The following CXCL13 variants were observed in gnomAD, a reference collection of about 807,000 sequenced individuals.
The protein encoded by CXCL13 is C-X-C motif chemokine ligand 13.
In CXCL13, 7 loss-of-function variants were observed where a neutral mutation model predicts 12.2. That is an observed-to-expected ratio of 0.57 (90% confidence interval 0.33 to 1.07). The LOEUF (loss-of-function observed/expected upper bound fraction) is 1.07, where lower values mean the gene tolerates loss of function less well. CXCL13 is among the 50% of genes least tolerant of loss of function. The probability of loss-of-function intolerance (pLI) is 0.04; values close to 1 mark genes in which losing one functional copy is unlikely to be tolerated. For missense variants in CXCL13, 113 were observed against 127.4 expected (o/e 0.89, Z 0.55); for synonymous variants, 47 against 42.4 (o/e 1.11, Z -0.42).
rs1026487877 is a variant in CXCL13 at position 77,571,991 on chromosome 4, C to T, written c.-42-33833C>T. 6.6e-5 allele frequency among the ~76,000 whole-genome samples: 10 copies of T among 151,928 alleles called. No individual in the cohort carries two copies. In the East Asian group the frequency reaches 1.9e-3, roughly 29 times the overall value. ...CAGCTTCACTCCTGAGCCAGCAAGA[C>T]CACGAACCCACCAGAAGAAAGAAAC... On this transcript the variant is annotated intron_variant, in intron 1 of 4. Transcript: ENST00000286758.
chr4:77,570,619 G>A (rs1476390557), intron 1 of CXCL13, among the ~76,000 whole-genome samples: 1 of 152,220 alleles, frequency 6.6e-6, no homozygotes, highest in African/African-American at 2.4e-5. Flanking sequence ...TTTCTGGGCT[G>A]GCCAAGGCCA....
At chr4:77,547,367 G>A (rs1004634837) in intron 1 of CXCL13, among the ~76,000 whole-genome samples, 1 of 152,176 alleles carries the variant, frequency 6.6e-6, no homozygotes, top group Non-Finnish European at 1.5e-5. Flanking sequence ...GGGAGTCTAA[G>A]TCTCTTTCTA....
chr4:77,526,694 C>G (rs956629803), intron 1 of CXCL13, among the ~76,000 whole-genome samples: 3 of 152,088 alleles, frequency 2.0e-5, no homozygotes, highest in South Asian at 4.1e-4. Context: ...TAAGCAAAGA[C>G]AGTGACAAGC....
At chr4:77,558,144 T>C (rs1369916200) in intron 1 of CXCL13, among the ~76,000 whole-genome samples, 1 of 152,236 alleles carries the variant, frequency 6.6e-6, no homozygotes, top group Non-Finnish European at 1.5e-5. Flanking sequence ...TTCTTGTTTA[T>C]AAAAAATGGC....
chr4:77,601,532 G>A (rs7678830), upstream of CXCL13, among the ~76,000 whole-genome samples: 2,863 of 152,318 alleles, frequency 0.019, 106 homozygotes, highest in African/African-American at 0.065. Context: ...GATGATCAGC[G>A]TCAAAGAAGA....
At chr4:77,528,443 T>A (rs1386462446) in intron 1 of CXCL13, among the ~76,000 whole-genome samples, 1 of 152,182 alleles carries the variant, frequency 6.6e-6, no homozygotes, top group Non-Finnish European at 1.5e-5. Flanking sequence ...GCACCTGTTG[T>A]TTCCTGACTT....
intron 1 of CXCL13, among the ~76,000 whole-genome samples, chr4:77,540,736 C>T (rs1000981989): frequency 6.6e-6 from 1 of 152,102 alleles, no homozygotes; most frequent in East Asian, 1.9e-4. Context: ...CATGCAAGTG[C>T]GTGTGGTTTT....
At chr4:77,539,177 C>T (rs541622352) in intron 1 of CXCL13, among the ~76,000 whole-genome samples, 61 of 151,998 alleles carry the variant, frequency 4.0e-4, no homozygotes, top group Admixed American at 3.6e-3. Context: ...ATTTCTCCTG[C>T]CTTAGTCTAC....
chr4:77,565,719 C>T (rs931939787), intron 1 of CXCL13, among the ~76,000 whole-genome samples: 2 of 152,060 alleles, frequency 1.3e-5, no homozygotes, highest in Non-Finnish European at 2.9e-5. Context: ...AGTAAAAGGA[C>T]CTAAATAATT....
intron 1 of CXCL13, among the ~76,000 whole-genome samples, chr4:77,543,977 T>C (rs931055330): frequency 6.6e-6 from 1 of 152,170 alleles, no homozygotes; most frequent in African/African-American, 2.4e-5. Context: ...AATTCCCACC[T>C]ATGAGTGAGA....
At chr4:77,587,146 C>G (rs571613031) in intron 1 of CXCL13, among the ~76,000 whole-genome samples, 30 of 152,314 alleles carry the variant, frequency 2.0e-4, no homozygotes, top group African/African-American at 6.7e-4. Flanking sequence ...AGTTAGTCAA[C>G]AGTGCTCTGA....
chr4:77,610,507 C>T (rs1727119956), intron 2 of CXCL13, 107 bp from the exon 3 acceptor site: 3 of 885,416 alleles, frequency 3.4e-6, no homozygotes, highest in Non-Finnish European at 5.3e-6. Context: ...GCTCCAATTT[C>T]ACTTCATCTA....
chr4:77,606,167 T>C (rs1727000053), intron 1 of CXCL13, among the ~76,000 whole-genome samples: 1 of 152,240 alleles, frequency 6.6e-6, no homozygotes, highest in South Asian at 2.1e-4. Context: ...CCAATATTCA[T>C]GTGAATTATA....
In CXCL13 at chr4:77,557,819, G is replaced by A. The variant is rs926423110; in HGVS notation, c.-43+46031G>A. Reference sequence around the variant, plus strand: ...AAATTCTTATTGCTTCAGTAACACAGATGGCTAGTGGGCTTTCCAGCCTTA... The same window carrying A: ...AAATTCTTATTGCTTCAGTAACACAAATGGCTAGTGGGCTTTCCAGCCTTA... On this transcript the variant is annotated intron_variant, in intron 1 of 4. Coordinates refer to the CXCL13 transcript ENST00000286758. Among the ~76,000 whole-genome samples, 3 of 152,198 alleles carry A rather than the reference G, an allele frequency of 2.0e-5. No individual in the cohort carries two copies. In the South Asian group the frequency reaches 6.2e-4, roughly 32 times the overall value.
intron 1 of CXCL13, among the ~76,000 whole-genome samples, chr4:77,573,682 A>G (rs1356208430): frequency 1.3e-5 from 2 of 151,928 alleles, no homozygotes; most frequent in African/African-American, 2.4e-5. Flanking sequence ...CGGATTTAGG[A>G]AAAACAACAT....
chr4:77,609,342 T>C (rs1727091887), intron 2 of CXCL13, among the ~76,000 whole-genome samples: 1 of 152,062 alleles, frequency 6.6e-6, no homozygotes, highest in Admixed American at 6.6e-5. Context: ...AGACAGGATC[T>C]CACTCTGCTG....
chr4:77,607,844 CA>C lies in CXCL13; in HGVS notation c.197+11del, dbSNP rs1727029695. 6.2e-7 allele frequency: 1 copy of C among 1,613,036 alleles called. No individual in the cohort carries two copies. Among genetic ancestry groups the C allele is most frequent in the Non-Finnish European group, 8.5e-7 (1 of 1,179,358 alleles). On this transcript the variant is annotated intron_variant, in intron 2 of 3. Coordinates refer to ENST00000682537, the MANE Select transcript of CXCL13 (RefSeq NM_001371558.1). Reference sequence around the variant, plus strand: ...CCAAGAAAAGAAATCATGTAAGTTTCAAGAGAAAAATAAATAAGATTTCCTT... The same window carrying C: ...CCAAGAAAAGAAATCATGTAAGTTTCAGAGAAAAATAAATAAGATTTCCTT...
At chr4:77,535,630 A>G (rs1293951801) in intron 1 of CXCL13, among the ~76,000 whole-genome samples, 2 of 148,676 alleles carry the variant, frequency 1.3e-5, no homozygotes, top group Admixed American at 1.3e-4. Context: ...GGTGATACTC[A>G]CTATTGGAAC....
intron 1 of CXCL13, among the ~76,000 whole-genome samples, chr4:77,530,865 T>G (rs962550434): frequency 1.3e-5 from 2 of 152,018 alleles, no homozygotes; most frequent in African/African-American, 4.8e-5. Context: ...AATTGTGATG[T>G]TAGGGTGTCA....
Sources: allele counts gnomAD v4.1 joint callset (sites outside exome capture counted in the v4.1 genomes callset), GRCh38; gene constraint gnomAD v4.1.1; transcripts MANE v1.5; gene names NCBI Gene and HGNC (gene_info 2026-07-23, HGNC 2026-07-21).